Variants in TBC1D5 observed in about 807,000 individuals in gnomAD.
The protein encoded by TBC1D5 is TBC1 domain family member 5.
In TBC1D5, 75 loss-of-function variants were observed where a neutral mutation model predicts 100.3. The ratio of observed to expected loss-of-function variants is 0.75; its 90% confidence interval spans 0.62 to 0.91. The LOEUF is 0.91. TBC1D5 is among the 40% of genes least tolerant of loss of function. The pLI is 0.00. For synonymous variants in TBC1D5, 323 were observed against 325.6 expected, an observed-to-expected ratio of 0.99 and a Z score of 0.09; for missense variants, 910 against 942.4, an observed-to-expected ratio of 0.97 and a Z score of 0.45.
intron 3 of TBC1D5, among the ~76,000 whole-genome samples, chr3:17,446,153 T>C (rs988673689): frequency 3.9e-5 from 5 of 127,866 alleles, no homozygotes; most frequent in African/African-American, 1.7e-4. Flanking sequence ...ATCCTTTCTT[T>C]AGGTTATTTC....
intron 2 of TBC1D5, among the ~76,000 whole-genome samples, chr3:17,545,265 T>C (rs765812487): frequency 1.3e-5 from 2 of 152,134 alleles, no homozygotes; most frequent in African/African-American, 2.4e-5. Context: ...TATTCCCTTA[T>C]AAAATGGGGA....
intron 2 of TBC1D5, among the ~76,000 whole-genome samples, chr3:17,564,512 G>C (rs2096581704): frequency 6.6e-6 from 1 of 152,130 alleles, no homozygotes; most frequent in African/African-American, 2.4e-5. Context: ...AGTGTACAAA[G>C]TGACAATGAA....
intron 15 of TBC1D5, among the ~76,000 whole-genome samples, chr3:17,282,256 T>TA (rs1218475745): frequency 1.3e-5 from 2 of 152,222 alleles, no homozygotes; most frequent in African/African-American, 4.8e-5. Context: ...CTCAGGGATA[T>TA]AACACATTCA....
At chr3:17,170,264 G>C (rs555294586) in intron 19 of TBC1D5, among the ~76,000 whole-genome samples, 4 of 152,318 alleles carry the variant, frequency 2.6e-5, no homozygotes, top group African/African-American at 9.6e-5. Context: ...GGTGGGCTCA[G>C]GTTTCCCAGC....
intron 2 of TBC1D5, among the ~76,000 whole-genome samples, chr3:17,573,507 GA>G (rs201841929): frequency 2.7e-5 from 4 of 149,918 alleles, no homozygotes; most frequent in East Asian, 2.0e-4. Flanking sequence ...CAGGAAAAAA[GA>G]AAAAAAAAGC....
chr3:17,172,485 A>C (rs2067258031), intron 19 of TBC1D5, among the ~76,000 whole-genome samples: 1 of 152,248 alleles, frequency 6.6e-6, no homozygotes, highest in East Asian at 1.9e-4. Flanking sequence ...AGGCAGAATA[A>C]ATTTTGCCAT....
At chr3:17,452,950 T>C (rs562567863) in intron 3 of TBC1D5, among the ~76,000 whole-genome samples, 2 of 151,742 alleles carry the variant, frequency 1.3e-5, no homozygotes, top group African/African-American at 4.8e-5. Flanking sequence ...AAAAAAATAC[T>C]ATCAAGCATC....
chr3:17,458,348 T>C (rs909636419), intron 3 of TBC1D5, among the ~76,000 whole-genome samples: 14 of 152,208 alleles, frequency 9.2e-5, no homozygotes, highest in African/African-American at 3.1e-4. Context: ...AATATAGCTT[T>C]GTTCCAGAGT....
At position 17,573,170 on chromosome 3, in the gene TBC1D5, A is replaced by C. The variant is rs527330150; in HGVS notation, c.-36+50679T>G. ...AACCGCTCCTCTTGTATTCTCTTGT[A>C]GGGATGGCATTATCAACCAACCTCT... is the stretch of plus-strand genomic sequence containing the variant. On this transcript the variant is annotated intron_variant, in intron 2 of 21. Coordinates refer to ENST00000253692, the Ensembl canonical transcript of TBC1D5. Among the ~76,000 whole-genome samples the C allele has an allele frequency of 2.6e-5, 4 of 152,132 alleles. No homozygotes were observed. The East Asian group carries it at 7.7e-4, about 29-fold the overall frequency.
intron 7 of TBC1D5, 113 bp from the exon 8 acceptor site, chr3:17,403,361 C>T (rs2093692604): frequency 1.6e-6 from 1 of 623,138 alleles, no homozygotes; most frequent in Non-Finnish European, 2.4e-6. Flanking sequence ...GATCATTTCA[C>T]ATTGCAGATA....
At chr3:17,533,114 T>C (rs2096249349) in intron 2 of TBC1D5, among the ~76,000 whole-genome samples, 1 of 150,820 alleles carries the variant, frequency 6.6e-6, no homozygotes, top group African/African-American at 2.4e-5. Flanking sequence ...CACTTCCAAT[T>C]AGTTACCTAA....
chr3:17,454,871 TAAA>T (rs2149784594), intron 3 of TBC1D5, among the ~76,000 whole-genome samples: 1 of 152,048 alleles, frequency 6.6e-6, no homozygotes, highest in African/African-American at 2.4e-5. Context: ...TGAATTAACT[TAAA>T]GAAGTAAAAG....
intron 13 of TBC1D5, among the ~76,000 whole-genome samples, chr3:17,325,107 G>A (rs185014982): frequency 1.3e-5 from 2 of 152,092 alleles, no homozygotes; most frequent in East Asian, 3.9e-4. Flanking sequence ...CTGTCTCCTT[G>A]CTATTTATCC....
intron 2 of TBC1D5, among the ~76,000 whole-genome samples, chr3:17,594,465 G>T (rs2060435239): frequency 1.3e-5 from 2 of 152,200 alleles, no homozygotes; most frequent in African/African-American, 4.8e-5. Flanking sequence ...AGAATAGGTA[G>T]TAGTAAAAGG....
intron 3 of TBC1D5, among the ~76,000 whole-genome samples, chr3:17,463,851 A>G (rs2095255835): frequency 6.6e-6 from 1 of 151,734 alleles, no homozygotes; most frequent in Non-Finnish European, 1.5e-5. Flanking sequence ...ATTTCATGCA[A>G]TCGTATCTCT....
intron 13 of TBC1D5, among the ~76,000 whole-genome samples, chr3:17,318,502 T>G (rs2084980286): frequency 6.6e-6 from 1 of 152,148 alleles, no homozygotes; most frequent in Non-Finnish European, 1.5e-5. Context: ...TCTTGCATGT[T>G]TCAGAGATAC....
At chr3:17,405,794 C>T (rs745699790) in intron 5 of TBC1D5, among the ~76,000 whole-genome samples, 22 of 151,990 alleles carry the variant, frequency 1.4e-4, no homozygotes, top group Non-Finnish European at 3.1e-4. Context: ...ACCCTAAAAA[C>T]TTATGATAGA....
intron 2 of TBC1D5, among the ~76,000 whole-genome samples, chr3:17,522,114 G>C (rs765182515): frequency 2.0e-5 from 3 of 151,872 alleles, no homozygotes; most frequent in Admixed American, 6.6e-5. Flanking sequence ...AAAAGAGATA[G>C]TAAAAAATGA....
chr3:17,707,292 GA>G (rs1363082859), intron 1 of TBC1D5, among the ~76,000 whole-genome samples: 7 of 151,622 alleles, frequency 4.6e-5, no homozygotes, highest in East Asian at 1.9e-4. Context: ...TGTTCTGGGG[GA>G]AAAAAAGCTT....
Sources: gnomAD v4.1 joint callset for allele counts (sites outside exome capture counted in the v4.1 genomes callset) on GRCh38, gnomAD v4.1.1 for gene constraint, MANE v1.5 for transcripts, NCBI Gene and HGNC (gene_info 2026-07-23, HGNC 2026-07-21) for gene names.